The following ST3GAL5 variants were observed in gnomAD, a reference collection of about 807,000 sequenced individuals.
The protein encoded by ST3GAL5 is ST3 beta-galactoside alpha-2,3-sialyltransferase 5, also known as lactosylceramide alpha-2,3-sialyltransferase.
Under a neutral mutation model 46.1 loss-of-function variants are expected in ST3GAL5, and 25 were observed. That is an observed-to-expected ratio of 0.54 (90% CI 0.40 to 0.76). ST3GAL5 has a LOEUF of 0.76. ST3GAL5 is among the 30% of genes least tolerant of loss of function. ST3GAL5 has a pLI of 0.00. For missense variants in ST3GAL5, 431 were observed against 521.2 expected (o/e 0.83, Z 1.69); for synonymous variants, 182 against 192.7 (o/e 0.94, Z 0.46).
chr2:85,877,410 G>C (rs561639690), intron 1 of ST3GAL5, among the ~76,000 whole-genome samples: 2 of 152,294 alleles, frequency 1.3e-5, no homozygotes, highest in South Asian at 4.2e-4. Flanking sequence ...TTTTTGAAAA[G>C]TACAGCCAAT....
chr2:85,855,054 A>ACC (rs1425368393), intron 3 of ST3GAL5: 3 of 152,314 alleles, frequency 2.0e-5, no homozygotes, highest in Admixed American at 2.0e-4. Context: ...ACAACATGCA[A>ACC]AAGGATGACC....
intron 1 of ST3GAL5, among the ~76,000 whole-genome samples, chr2:85,864,663 AT>A (rs1685099043): frequency 3.3e-5 from 5 of 152,206 alleles, no homozygotes; most frequent in Middle Eastern, 3.4e-3. Flanking sequence ...CTGCCTATTT[AT>A]TCTTTTGAAA....
chr2:85,886,167 G>C (rs898880208), intron 1 of ST3GAL5, among the ~76,000 whole-genome samples: 2 of 152,226 alleles, frequency 1.3e-5, no homozygotes, highest in Admixed American at 6.5e-5. Flanking sequence ...AATTGCTCAC[G>C]CCTGTAATCT....
At chr2:85,846,179 G>A (rs1682775650) in intron 5 of ST3GAL5, 198 bp downstream of exon 5, 1 of 581,940 alleles carries the variant, frequency 1.7e-6, no homozygotes, top group Non-Finnish European at 3.0e-6. Context: ...CCTCTAGCCT[G>A]GACAACAGAA....
chr2:85,850,329 C>A (rs1231396283), intron 3 of ST3GAL5: 1 of 152,256 alleles, frequency 6.6e-6, no homozygotes, highest in Non-Finnish European at 1.5e-5. Flanking sequence ...GCTGGCCCAG[C>A]AAACCTGGCT....
At chr2:85,862,770 GT>G in intron 2 of ST3GAL5, among the ~76,000 whole-genome samples, 1 of 152,288 alleles carries the variant, frequency 6.6e-6, no homozygotes, top group African/African-American at 2.4e-5. Flanking sequence ...CACTTCCTAA[GT>G]CAGTAAAGTG....
At chr2:85,860,904 T>C (rs1048353664) in intron 3 of ST3GAL5, 1 of 432,832 alleles carries the variant, frequency 2.3e-6, no homozygotes, top group Non-Finnish European at 4.2e-6. Flanking sequence ...TCAGGGCAAA[T>C]TAATTCCAGG....
intron 3 of ST3GAL5, among the ~76,000 whole-genome samples, chr2:85,852,413 C>T (rs1046946778): frequency 6.6e-6 from 1 of 152,200 alleles, no homozygotes; most frequent in Non-Finnish European, 1.5e-5. Flanking sequence ...TGTATGATAT[C>T]ACACAAGGAC....
At chr2:85,852,943 G>C in intron 3 of ST3GAL5, 1 of 1,304,206 alleles carries the variant, frequency 7.7e-7, no homozygotes, top group Non-Finnish European at 1.0e-6. Flanking sequence ...CTGGTGCCTG[G>C]GCTCACTGAA....
chr2:85,844,721 C>A, intron 5 of ST3GAL5, 167 bp from the exon 6 acceptor site: 1 of 872,192 alleles, frequency 1.1e-6, no homozygotes, highest in Non-Finnish European at 1.8e-6. Flanking sequence ...TCCGGCACTC[C>A]AACTCAAAAA....
chr2:85,875,616 T>C (rs1159951471), intron 1 of ST3GAL5: 1 of 152,060 alleles, frequency 6.6e-6, no homozygotes, highest in Non-Finnish European at 1.5e-5. Flanking sequence ...GTTATAGCCA[T>C]CTAGGGGAGA....
At chr2:85,842,876 T>C (rs182808500) in intron 6 of ST3GAL5, among the ~76,000 whole-genome samples, 25 of 151,900 alleles carry the variant, frequency 1.6e-4, no homozygotes, top group Non-Finnish European at 8.8e-5. Flanking sequence ...TTCTCCTGCC[T>C]CAGCCTCCCA....
At chr2:85,877,072 A>G (rs1276335463) in intron 1 of ST3GAL5, among the ~76,000 whole-genome samples, 1 of 152,160 alleles carries the variant, frequency 6.6e-6, no homozygotes, top group Non-Finnish European at 1.5e-5. Flanking sequence ...CTGTGTGCAT[A>G]TTTATTGGAC....
chr2:85,864,428 G>A lies in ST3GAL5; in HGVS notation c.83-943C>T, dbSNP rs536252511. 3.3e-5 allele frequency among the ~76,000 whole-genome samples: 5 copies of A among 152,256 alleles called. No homozygotes were observed. The South Asian group carries it at 1.0e-3, about 32-fold the overall frequency. On this transcript the variant is annotated intron_variant, in intron 1 of 6. Transcript: ENST00000638572. Reference sequence around the variant, plus strand: ...AAGGGGATAAGTGGAGGGCCAGGGAGAATAGATAAAACTAACTTTAAGCTG... The same window carrying A: ...AAGGGGATAAGTGGAGGGCCAGGGAAAATAGATAAAACTAACTTTAAGCTG...
At position 85,875,796 on chromosome 2, in the gene ST3GAL5, GTTC is replaced by G. The variant is rs576331913; in HGVS notation, c.83-12314_83-12312del. 1.5e-3 allele frequency among the ~76,000 whole-genome samples: 222 copies of G among 152,214 alleles called. 1 individual carries two copies. The highest frequency in any genetic ancestry group is 4.9e-3 in the African/African-American group (204 of 41,530). Reference sequence around the variant, plus strand: ...GAACAGGAAGAGAAGCCCCAGCACTGTTCTTCTTTCTGTTTCCCGGGGCTAGGG... The same window carrying G: ...GAACAGGAAGAGAAGCCCCAGCACTGTTCTTTCTGTTTCCCGGGGCTAGGG... On this transcript the variant is annotated intron_variant, in intron 1 of 6. Transcript: ENST00000638572.
chr2:85,849,436 A>C (rs746485371), intron 3 of ST3GAL5: 3 of 151,998 alleles, frequency 2.0e-5, no homozygotes, highest in Non-Finnish European at 4.4e-5. Context: ...TAATACGGTG[A>C]AACTCGTCTC....
chr2:85,888,934 A>G lies in ST3GAL5; in HGVS notation c.-29T>C. On this transcript the variant is annotated 5_prime_UTR_variant, in exon 1 of 7. Transcript: ENST00000638572. Reference sequence around the variant, plus strand: ...AATGAGGGGGCGCCGGCCGGCCGCCAGCCCGGTACCCCGCGCCCCCACCCG... The same window carrying G: ...AATGAGGGGGCGCCGGCCGGCCGCCGGCCCGGTACCCCGCGCCCCCACCCG... 1 of 1,314,656 alleles carries G rather than the reference A, an allele frequency of 7.6e-7. No individual in the cohort carries two copies. Among genetic ancestry groups the G allele is most frequent in the South Asian group, 1.9e-5 (1 of 52,106 alleles). The allele number at this position is 1,314,656 out of a possible 1,614,324, so 81.4% of individuals were successfully genotyped here.
chr2:85,864,981 G>T (rs1374384233), intron 1 of ST3GAL5, among the ~76,000 whole-genome samples: 1 of 152,154 alleles, frequency 6.6e-6, no homozygotes, highest in Non-Finnish European at 1.5e-5. Context: ...TATGGACCAT[G>T]ATCTGCCACT....
intron 3 of ST3GAL5, among the ~76,000 whole-genome samples, chr2:85,859,583 C>T (rs1684508614): frequency 6.6e-6 from 1 of 152,154 alleles, no homozygotes; most frequent in Admixed American, 6.5e-5. Context: ...GCTGGGAAGG[C>T]TGGCCCTGCG....
Sources: allele counts gnomAD v4.1 joint callset (sites outside exome capture counted in the v4.1 genomes callset), GRCh38; gene constraint gnomAD v4.1.1; transcripts MANE v1.5; gene names NCBI Gene and HGNC (gene_info 2026-07-23, HGNC 2026-07-21).